STK36: variants seen among roughly 807,000 people sequenced by gnomAD.
The protein encoded by STK36 is serine/threonine-protein kinase 36.
STK36 carries 116 observed loss-of-function variants against 142.2 expected under a neutral mutation model. The ratio of observed to expected loss-of-function variants is 0.82; its 90% CI spans 0.70 to 0.95. The LOEUF (loss-of-function observed/expected upper bound fraction) is 0.95. Among genes scored for constraint, STK36 ranks in the 40% least tolerant of loss-of-function variants. STK36 has a pLI of 0.00. For missense variants in STK36, 1,422 were observed against 1,617.2 expected (o/e 0.88, Z 2.07); for synonymous variants, 619 against 641.7 (o/e 0.96, Z 0.53).
chr2:218,701,386 C>T (rs1056091864), intron 26 of STK36, among the ~76,000 whole-genome samples: 2 of 151,934 alleles, frequency 1.3e-5, no homozygotes, highest in Admixed American at 6.6e-5. Context: ...GTGACCCGCC[C>T]GCCTTGGCCT....
At chr2:218,697,255 C>A in intron 23 of STK36, 42 bp downstream of exon 23, 1 of 1,580,852 alleles carries the variant, frequency 6.3e-7, no homozygotes, top group Non-Finnish European at 8.6e-7. Flanking sequence ...GCATTGATCT[C>A]TCTTCAAGAG....
chr2:218,693,704 C>A lies in STK36; in HGVS notation c.2149-19C>A. On this transcript the variant is annotated intron_variant, in intron 17 of 26. Transcript: ENST00000295709. The stretch of plus-strand genomic sequence containing the variant: ...GGGCCTGCCCTGCCTCACTGCCAGA[C>A]TCCTTCCTTCTCCCTCAGGTTCTAT... The A allele has an allele frequency of 6.2e-7, 1 of 1,610,530 alleles. No individual in the cohort carries two copies. The highest frequency in any genetic ancestry group is 8.5e-7 in the Non-Finnish European group (1 of 1,178,130).
Position 218,676,228 on chromosome 2 carries a change from A to AT in STK36, c.636dup (p.Leu213SerfsTer16), listed in dbSNP as rs1940237272. The AT allele has an allele frequency of 6.2e-7, 1 of 1,614,202 alleles. No homozygotes were observed. The highest frequency in any genetic ancestry group is 8.5e-7 in the Non-Finnish European group (1 of 1,180,044). On this transcript the variant is annotated frameshift_variant, in exon 6 of 27. Transcript: ENST00000295709. LOFTEE classifies it high-confidence loss of function. ...AAGCATCTTTCAGCTGGTCAGCCTCATTCTCAAGGACCCTGTGCGCTGGCC... is the reference window on the plus strand; with the variant it reads ...AAGCATCTTTCAGCTGGTCAGCCTCATTTCTCAAGGACCCTGTGCGCTGGCC...
intron 6 of STK36, among the ~76,000 whole-genome samples, chr2:218,678,448 G>A (rs1012381788): frequency 1.3e-5 from 2 of 152,150 alleles, no homozygotes; most frequent in African/African-American, 4.8e-5. Flanking sequence ...TGGAAGCGGT[G>A]CACATAGGAT....
In STK36 at chr2:218,694,265, A is replaced by C. The variant is rs767188991; in HGVS notation, c.2338A>C (p.Met780Leu). The change falls in exon 20 of 27, where the codon ATG becomes CTG. Residue 780 changes from methionine (M) to leucine (L), a missense_variant and splice_region_variant. Around this residue, in one of 2 missense-constraint regions of STK36, gnomAD observed 962 missense variants for 1,167.5 expected, o/e 0.82. Coordinates refer to ENST00000295709, the MANE Select transcript of STK36 (RefSeq NM_015690.5). The surrounding 1 kb of genome is among the most constrained non-coding windows in gnomAD (Gnocchi z 4.4). Reference sequence around the variant, plus strand: ...CCTTGATGTATCTCTTTATTCCAGAATGGAGAAGCTAGGCAGTGACGTTGC... The same window carrying C: ...CCTTGATGTATCTCTTTATTCCAGACTGGAGAAGCTAGGCAGTGACGTTGC... Reference protein sequence around the residue: ...VFRLQNLPCGMEKLGSDVATL... With the variant: ...VFRLQNLPCGLEKLGSDVATL... 10 of 1,613,630 alleles carry C rather than the reference A, an allele frequency of 6.2e-6. No homozygotes were observed. The highest frequency in any genetic ancestry group is 8.5e-6 in the Non-Finnish European group (10 of 1,179,544).
At chr2:218,688,624 C>T in intron 11 of STK36, 73 bp from the exon 12 acceptor site, 2 of 1,512,760 alleles carry the variant, frequency 1.3e-6, no homozygotes, top group East Asian at 4.6e-5. Flanking sequence ...CTTGGGGATG[C>T]TTGGTATGTG....
intron 4 of STK36, among the ~76,000 whole-genome samples, chr2:218,674,641 G>A (rs1334872049): frequency 2.6e-5 from 4 of 152,102 alleles, no homozygotes; most frequent in African/African-American, 9.7e-5. Flanking sequence ...TCGCTTTGTT[G>A]CCCAGGCTGG....
At chr2:218,682,629 C>G (rs770966883) in intron 10 of STK36, among the ~76,000 whole-genome samples, 2 of 152,016 alleles carry the variant, frequency 1.3e-5, no homozygotes, top group Non-Finnish European at 2.9e-5. Flanking sequence ...GGGTCTTACT[C>G]TGTTGCCAGG....
chr2:218,696,894 G>A, intron 22 of STK36, 145 bp from the exon 23 acceptor site: 2 of 1,212,654 alleles, frequency 1.6e-6, no homozygotes, highest in East Asian at 2.3e-5. Context: ...AATGAAATAA[G>A]ACGACAGGGA....
In STK36 at chr2:218,688,860, G is replaced by A; in HGVS notation, c.1544G>A (p.Ser515Asn). The A allele has an allele frequency of 1.9e-6, 3 of 1,610,082 alleles. No individual in the cohort carries two copies. The highest frequency in any genetic ancestry group is 2.5e-6 in the Non-Finnish European group (3 of 1,178,868). Residue 515 changes from serine to asparagine, a missense_variant, in exon 12 of 27, where the codon AGC becomes AAC. Ser to Asn is a conservative substitution (Grantham distance 46). Coordinates refer to ENST00000295709, the MANE Select transcript of STK36 (RefSeq NM_015690.5). ...AGTCTACTCAGGCACAGTCAGGAGA[G>A]CAACAGCCTCCAGCAGGTAAGCACC... ...LLSLLRHSQE[S>N]NSLQQQSWYG...
At chr2:218,675,998 C>G in intron 5 of STK36, 31 bp from the exon 6 acceptor site, 2 of 1,610,192 alleles carry the variant, frequency 1.2e-6, no homozygotes, top group Non-Finnish European at 1.7e-6. Context: ...TATCTTTTCC[C>G]TTTCCATTTC....
intron 14 of STK36, among the ~76,000 whole-genome samples, chr2:218,691,436 C>G (rs1476224543): frequency 6.6e-6 from 1 of 152,118 alleles, no homozygotes; most frequent in Non-Finnish European, 1.5e-5. Flanking sequence ...ATGCTATTGG[C>G]CAGCACTTCT....
At chr2:218,681,040 T>G (rs560132674) in intron 10 of STK36, among the ~76,000 whole-genome samples, 1 of 152,260 alleles carries the variant, frequency 6.6e-6, no homozygotes, top group Non-Finnish European at 1.5e-5. Flanking sequence ...CATTACTGAG[T>G]TTTATTATAT....
chr2:218,674,513 C>T (rs568666377), intron 4 of STK36, among the ~76,000 whole-genome samples: 2 of 152,208 alleles, frequency 1.3e-5, no homozygotes, highest in South Asian at 2.1e-4. Context: ...GTAGGCCCCC[C>T]CTGGGATTCA....
rs1174694541 is a variant in STK36, at chr2:218,697,521, C to A, written c.2820C>A (p.Cys940Ter). The change falls in exon 24 of 27, where the codon TGC becomes TGA. Residue 940 changes from cysteine to a stop codon, truncating the protein, a stop_gained. Transcript: ENST00000295709. LOFTEE classifies it high-confidence loss of function. The part of the protein sequence containing the change: ...MATFTQEPQL[C>*]LSCLSQHGSI... ...CCTTTACCCAGGAGCCCCAGTTATG[C>A]CTGAGCTGCCTGTCCCAGCATGGAA... 6.2e-7 allele frequency: 1 copy of A among 1,614,076 alleles called. No homozygotes were observed. The highest frequency in any genetic ancestry group is 8.5e-7 in the Non-Finnish European group (1 of 1,180,040).
intron 11 of STK36, 192 bp from the exon 12 acceptor site, chr2:218,688,505 A>G (rs1940866084): frequency 3.0e-6 from 2 of 664,906 alleles, no homozygotes; most frequent in South Asian, 3.6e-5. Context: ...TAACCTGACC[A>G]TCTATTGTCT....
At chr2:218,687,740 A>T (rs1253101159) in intron 11 of STK36, among the ~76,000 whole-genome samples, 1 of 152,226 alleles carries the variant, frequency 6.6e-6, no homozygotes, top group African/African-American at 2.4e-5. Flanking sequence ...AAAATGGCTA[A>T]TTCTATTTAT....
rs372836921 is a variant in STK36, at chr2:218,696,560, T to C, written c.2545T>C (p.Tyr849His). ...GACTCCACCAGGTAGTTGTGGATTC[T>C]ATGATGGCCTCCTTATCCTTCTGTT... The part of the protein sequence containing the change: ...RLTPPGSCGF[Y>H]DGLLILLLQL... The change falls in exon 22 of 27, where the codon TAT (tyrosine) becomes CAT (histidine). Residue 849 changes from tyrosine to histidine, a missense_variant. Coordinates refer to ENST00000295709, the MANE Select transcript of STK36 (RefSeq NM_015690.5). The C allele has an allele frequency of 3.5e-4, 570 of 1,614,078 alleles. No individual in the cohort carries two copies. Among genetic ancestry groups the C allele is most frequent in the Non-Finnish European group, 4.5e-4 (536 of 1,180,022 alleles).
rs1261924028 is a variant in STK36, at chr2:218,672,725, C to G, written c.-89-16C>G. 2 of 1,116,136 alleles carry G rather than the reference C, an allele frequency of 1.8e-6. No individual in the cohort carries two copies. The highest frequency in any genetic ancestry group is 2.7e-6 in the Non-Finnish European group (2 of 750,476). The allele number at this position is 1,116,136 out of a possible 1,614,324, so 69.1% of individuals were successfully genotyped here. On this transcript the variant is annotated splice_polypyrimidine_tract_variant and intron_variant, in intron 1 of 26. Transcript: ENST00000295709. ...GCAAGGTGGCTAACATTTTTCCTTT[C>G]CCGTGCCCCAACTAGGCGTCCCAGA...
Sources: gnomAD v4.1 joint callset for allele counts (sites outside exome capture counted in the v4.1 genomes callset) on GRCh38, gnomAD v4.1.1 for gene constraint, gnomAD v4.1.1 regional missense constraint, Gnocchi (gnomAD v3.1) non-coding constraint, MANE v1.5 for transcripts, NCBI Gene and HGNC (gene_info 2026-07-23, HGNC 2026-07-21) for gene names.